Variants in CNTN4 observed in about 807,000 individuals in gnomAD.
CNTN4 encodes the protein contactin 4.
Under a neutral mutation model 122.5 loss-of-function variants are expected in CNTN4, and 77 were observed. That is an observed-to-expected ratio of 0.63 (90% CI 0.52 to 0.76). The LOEUF is 0.76. Ranked by LOEUF, CNTN4 falls within the 30% of genes least tolerant of loss-of-function variation. The pLI, the probability that CNTN4 is intolerant of heterozygous loss-of-function variation, is 0.00. For missense variants in CNTN4, 1,256 were observed against 1,259.1 expected, an observed-to-expected ratio of 1.00 and a Z score of 0.04; for synonymous variants, 512 against 447.0, an observed-to-expected ratio of 1.15 and a Z score of -1.83.
At chr3:2,537,120 T>G (rs2077841709) in intron 3 of CNTN4, among the ~76,000 whole-genome samples, 1 of 152,148 alleles carries the variant, frequency 6.6e-6, no homozygotes, top group East Asian at 1.9e-4. Flanking sequence ...GGGGGAATAT[T>G]GTGTTTTATG....
At chr3:2,900,960 G>C (rs2094166441) in intron 11 of CNTN4, 139 bp downstream of exon 11, 1 of 1,113,038 alleles carries the variant, frequency 9.0e-7, no homozygotes, top group Admixed American at 1.9e-5. Flanking sequence ...AAAAGTGAGA[G>C]TGAATGCAAT....
At chr3:2,425,879 G>C (rs548275841) in intron 3 of CNTN4, among the ~76,000 whole-genome samples, 1 of 152,152 alleles carries the variant, frequency 6.6e-6, no homozygotes, top group African/African-American at 2.4e-5. Flanking sequence ...GTCTCTTATT[G>C]GTGTATAAGA....
chr3:2,495,245 A>G (rs934399995), intron 3 of CNTN4, among the ~76,000 whole-genome samples: 3 of 152,230 alleles, frequency 2.0e-5, no homozygotes, highest in Admixed American at 6.5e-5. Context: ...CAAATTGCCA[A>G]GTAGGAAATA....
chr3:2,249,465 A>C (rs980960844), intron 2 of CNTN4, among the ~76,000 whole-genome samples: 1 of 151,976 alleles, frequency 6.6e-6, no homozygotes, highest in Non-Finnish European at 1.5e-5. Flanking sequence ...TGTGTCTGAA[A>C]GTGAGCAGCT....
chr3:2,205,305 A>G (rs1249319866), intron 2 of CNTN4, among the ~76,000 whole-genome samples: 1 of 149,860 alleles, frequency 6.7e-6, no homozygotes, highest in Non-Finnish European at 1.5e-5. Flanking sequence ...GTGATAATGC[A>G]GGGAAGTATA....
rs574629414 is a variant in CNTN4 at position 2,993,460 on chromosome 3, G to A, written c.1486+4988G>A. On this transcript the variant is annotated intron_variant, in intron 14 of 24. Transcript: ENST00000418658. ...TTACAAGCAGATGCCACGACGCCCA[G>A]CTAATTTTTGTATTTTTTAGTAGAG... Among the ~76,000 whole-genome samples, 10 of 151,926 alleles carry A rather than the reference G, an allele frequency of 6.6e-5. No homozygotes were observed. In the East Asian group the frequency reaches 1.9e-3, roughly 30 times the overall value.
chr3:2,585,087 A>T (rs1295780644), intron 4 of CNTN4, among the ~76,000 whole-genome samples: 3 of 152,236 alleles, frequency 2.0e-5, no homozygotes, highest in Non-Finnish European at 4.4e-5. Flanking sequence ...AACTACAAAT[A>T]ATTATTATTT....
chr3:2,276,629 C>G (rs990742589), intron 2 of CNTN4, among the ~76,000 whole-genome samples: 1 of 152,156 alleles, frequency 6.6e-6, no homozygotes, highest in African/African-American at 2.4e-5. Flanking sequence ...TAAACTAACA[C>G]ACTGGTTACT....
In CNTN4 at chr3:2,599,397, A is replaced by G. The variant is rs1479538; in HGVS notation, c.55+27839A>G. ...CTAACATGTAGCATTGCCATCTCCA[A>G]TCCTTGGGGATTTATTTTTCACAGG... On this transcript the variant is annotated intron_variant, in intron 4 of 24. Coordinates refer to ENST00000418658, the MANE Select transcript of CNTN4 (RefSeq NM_175607.3). 1.1e-4 allele frequency among the ~76,000 whole-genome samples: 16 copies of G among 152,290 alleles called. No individual in the cohort carries two copies. The East Asian group carries it at 2.5e-3, about 24-fold the overall frequency.
At chr3:2,890,167 T>C (rs747819163) in intron 10 of CNTN4, among the ~76,000 whole-genome samples, 11 of 152,232 alleles carry the variant, frequency 7.2e-5, no homozygotes, top group Non-Finnish European at 1.2e-4. Context: ...CTTTTGTTTT[T>C]CCTCATCTAG....
At chr3:2,189,790 A>T (rs2037440468) in intron 2 of CNTN4, among the ~76,000 whole-genome samples, 1 of 151,926 alleles carries the variant, frequency 6.6e-6, no homozygotes, top group Non-Finnish European at 1.5e-5. Flanking sequence ...TCTTTGTGAA[A>T]CTCTAATAAC....
chr3:2,333,802 A>C (rs1453499684), intron 2 of CNTN4, among the ~76,000 whole-genome samples: 2 of 152,228 alleles, frequency 1.3e-5, no homozygotes. Context: ...ATACTAAATT[A>C]TATCAAGCAA....
At chr3:3,009,099 A>G (rs143442674) in intron 14 of CNTN4, 13,384 of 914,664 alleles carry the variant, frequency 0.015, 138 homozygotes, top group South Asian at 0.053. Flanking sequence ...GGGAAGTACC[A>G]TGCCTTGCCC....
chr3:2,874,000 G>A (rs1177295102), intron 8 of CNTN4, among the ~76,000 whole-genome samples: 1 of 152,144 alleles, frequency 6.6e-6, no homozygotes, highest in Non-Finnish European at 1.5e-5. Context: ...GAGGATCTGT[G>A]GGCGTAAAAC....
chr3:2,544,227 C>G (rs764852973), intron 3 of CNTN4, among the ~76,000 whole-genome samples: 4 of 152,090 alleles, frequency 2.6e-5, no homozygotes, highest in Non-Finnish European at 2.9e-5. Flanking sequence ...ATTCACGCAT[C>G]AAGCTTAAGT....
At chr3:3,028,938 G>T (rs886504496) in intron 15 of CNTN4, among the ~76,000 whole-genome samples, 1 of 152,086 alleles carries the variant, frequency 6.6e-6, no homozygotes, top group African/African-American at 2.4e-5. Flanking sequence ...AGACTGACTT[G>T]TCATATACTC....
chr3:2,489,975 C>A (rs1314496054), intron 3 of CNTN4, among the ~76,000 whole-genome samples: 1 of 151,698 alleles, frequency 6.6e-6, no homozygotes, highest in East Asian at 1.9e-4. Flanking sequence ...CCACTAATAA[C>A]CAAATTGTAA....
At chr3:2,855,451 G>A (rs544234245) in intron 7 of CNTN4, among the ~76,000 whole-genome samples, 20 of 152,184 alleles carry the variant, frequency 1.3e-4, no homozygotes, top group Non-Finnish European at 2.5e-4. Flanking sequence ...ATTGTCAGAG[G>A]CACCAAATGA....
chr3:2,331,808 G>A (rs2043735877), intron 2 of CNTN4, among the ~76,000 whole-genome samples: 1 of 152,196 alleles, frequency 6.6e-6, no homozygotes, highest in Non-Finnish European at 1.5e-5. Flanking sequence ...GACTGTTTGG[G>A]AAAGGGTGCT....
Sources: allele counts gnomAD v4.1 joint callset (sites outside exome capture counted in the v4.1 genomes callset), GRCh38; gene constraint gnomAD v4.1.1; transcripts MANE v1.5; gene names NCBI Gene and HGNC (gene_info 2026-07-23, HGNC 2026-07-21).